Variants in ASTN2 observed in about 807,000 individuals in gnomAD.
The protein encoded by ASTN2 is astrotactin 2.
In ASTN2, 54 loss-of-function variants were observed where a neutral mutation model predicts 139.8. The observed-to-expected ratio is 0.39, with a 90% CI of 0.31 to 0.48. The LOEUF is 0.48. Ranked by LOEUF, ASTN2 falls within the 20% of genes least tolerant of loss-of-function variation. ASTN2 has a pLI of 0.95. For synonymous variants in ASTN2, 756 were observed against 719.5 expected (o/e 1.05, Z -0.81); for missense variants, 1,565 against 1,725.1 (o/e 0.91, Z 1.64).
chr9:117,183,434 A>T (rs1831123643), intron 3 of ASTN2, among the ~76,000 whole-genome samples: 1 of 152,204 alleles, frequency 6.6e-6, no homozygotes, highest in African/African-American at 2.4e-5. Flanking sequence ...TCCTTTAAGC[A>T]TTGTGACATG....
intron 6 of ASTN2, among the ~76,000 whole-genome samples, chr9:117,016,628 A>ATATATC (rs1554769591): frequency 1.2e-4 from 1 of 8,060 alleles, no homozygotes; most frequent in African/African-American, 2.7e-4. Context: ...ATCTATCTAT[A>ATATATC]TATATATATA....
At chr9:116,576,063 C>T (rs1277109679) in intron 19 of ASTN2, among the ~76,000 whole-genome samples, 6 of 152,062 alleles carry the variant, frequency 3.9e-5, no homozygotes, top group African/African-American at 1.2e-4. Context: ...TATTGAGCGC[C>T]CCACCCCTCT....
At chr9:116,486,581 A>T (rs1240510739) in intron 20 of ASTN2, among the ~76,000 whole-genome samples, 1 of 152,252 alleles carries the variant, frequency 6.6e-6, no homozygotes. Context: ...CAACTTCGTA[A>T]CAACTTCAGC....
intron 4 of ASTN2, among the ~76,000 whole-genome samples, chr9:117,103,647 A>C (rs1330024547): frequency 6.6e-6 from 1 of 152,126 alleles, no homozygotes; most frequent in African/African-American, 2.4e-5. Context: ...TCTTGCTATC[A>C]TGATGGATGG....
chr9:116,741,426 G>T (rs187438041), intron 13 of ASTN2, among the ~76,000 whole-genome samples: 2 of 152,256 alleles, frequency 1.3e-5, no homozygotes, highest in East Asian at 3.9e-4. Context: ...CTCAAAAAAG[G>T]TTGCCTTAAA....
intron 11 of ASTN2, among the ~76,000 whole-genome samples, chr9:116,852,472 TC>T (rs962359217): frequency 5.9e-5 from 9 of 152,188 alleles, no homozygotes; most frequent in African/African-American, 2.2e-4. Flanking sequence ...GGAACGTCTG[TC>T]ACTCAGTTCG....
intron 13 of ASTN2, among the ~76,000 whole-genome samples, chr9:116,738,295 G>T (rs1828998696): frequency 6.6e-6 from 1 of 151,992 alleles, no homozygotes; most frequent in African/African-American, 2.4e-5. Context: ...GAGGTCAGGA[G>T]TTCAAGACCA....
chr9:116,777,114 T>C (rs1054767468), intron 13 of ASTN2, among the ~76,000 whole-genome samples: 2 of 152,088 alleles, frequency 1.3e-5, no homozygotes, highest in South Asian at 2.1e-4. Flanking sequence ...CCAAATCTGG[T>C]TGGACAATGG....
chr9:117,246,347 A>G (rs1275115673), intron 2 of ASTN2, among the ~76,000 whole-genome samples: 2 of 152,184 alleles, frequency 1.3e-5, no homozygotes, highest in African/African-American at 4.8e-5. Flanking sequence ...TTAGGGGAGA[A>G]ACCAAGGCCT....
chr9:117,226,015 T>G (rs1435876885), intron 2 of ASTN2, among the ~76,000 whole-genome samples: 1 of 152,154 alleles, frequency 6.6e-6, no homozygotes, highest in African/African-American at 2.4e-5. Flanking sequence ...TCACAATGCA[T>G]AGTTCAGCAA....
chr9:117,269,947 A>T (rs1264078824), intron 2 of ASTN2, among the ~76,000 whole-genome samples: 1 of 152,176 alleles, frequency 6.6e-6, no homozygotes, highest in East Asian at 1.9e-4. Flanking sequence ...CTGAATCCAC[A>T]TGCCCATTGG....
intron 19 of ASTN2, among the ~76,000 whole-genome samples, chr9:116,489,769 T>G (rs1439561200): frequency 6.6e-6 from 1 of 152,236 alleles, no homozygotes; most frequent in Non-Finnish European, 1.5e-5. Flanking sequence ...ATTTGCTCCT[T>G]TAGTCCAATA....
At chr9:116,976,327 T>C (rs978643034) in intron 8 of ASTN2, 139 bp from the exon 9 acceptor site, 11 of 672,704 alleles carry the variant, frequency 1.6e-5, no homozygotes, top group African/African-American at 1.4e-4. Flanking sequence ...ACTTATATTA[T>C]AAAAGAATGT....
chr9:117,205,198 AGAGCAGT>A (rs1451930578), intron 3 of ASTN2, among the ~76,000 whole-genome samples: 1 of 152,202 alleles, frequency 6.6e-6, no homozygotes, highest in Non-Finnish European at 1.5e-5. Flanking sequence ...AAAGCATTCC[AGAGCAGT>A]GAGCATATCA....
At chr9:116,726,026 T>G in intron 15 of ASTN2, 76 bp from the exon 16 acceptor site, 1 of 1,447,970 alleles carries the variant, frequency 6.9e-7, no homozygotes, top group Admixed American at 2.0e-5. Context: ...GTGGCAGGAG[T>G]TCTTCCCAAC....
intron 7 of ASTN2, among the ~76,000 whole-genome samples, chr9:117,004,764 C>T (rs934756711): frequency 4.6e-5 from 7 of 152,080 alleles, no homozygotes; most frequent in African/African-American, 1.4e-4. Flanking sequence ...AGAAAACAGA[C>T]CAATAACAAT....
chr9:116,665,344 CT>C (rs1254365790), intron 16 of ASTN2, among the ~76,000 whole-genome samples: 1 of 152,068 alleles, frequency 6.6e-6, no homozygotes, highest in African/African-American at 2.4e-5. Context: ...GGGAACTAAG[CT>C]TTTTCAGCAT....
chr9:116,698,221 TG>T lies in ASTN2; in HGVS notation c.2806+27549del. ...AAGTTAACTCGTCTGCGGGAACTTATGGGGGAGCTGCAGCGGCGGAAGGCAG... is the reference window on the plus strand; with the variant it reads ...AAGTTAACTCGTCTGCGGGAACTTATGGGGAGCTGCAGCGGCGGAAGGCAG... On this transcript the variant is annotated intron_variant, in intron 16 of 22. Coordinates refer to ENST00000313400, the MANE Select transcript of ASTN2 (RefSeq NM_001365068.1). The surrounding 1 kb of genome is among the most constrained non-coding windows in gnomAD (Gnocchi z 4.4). 2 of 1,614,078 alleles carry T rather than the reference TG, an allele frequency of 1.2e-6. No individual in the cohort carries two copies. The highest frequency in any genetic ancestry group is 1.1e-5 in the South Asian group (1 of 91,084).
Position 117,282,916 on chromosome 9 carries a change from T to C in ASTN2, c.630+8410A>G, listed in dbSNP as rs112772835. On this transcript the variant is annotated intron_variant, in intron 2 of 22. Transcript: ENST00000313400. Reference sequence around the variant, plus strand: ...GCAAGAGCTGACTAGCCTGGAAGAGTTGGATATTCTATGAGGTCTCAGGTG... The same window carrying C: ...GCAAGAGCTGACTAGCCTGGAAGAGCTGGATATTCTATGAGGTCTCAGGTG... Among the ~76,000 whole-genome samples, 89 of 134,526 alleles carry C rather than the reference T, an allele frequency of 6.6e-4. 8 individuals are homozygous for C. The highest frequency in any genetic ancestry group is 7.0e-3 in the Middle Eastern group (2 of 284). 88.3% of individuals were successfully genotyped at this position (134,526 alleles called of 152,430 possible).
Sources: gnomAD v4.1 joint callset for allele counts (sites outside exome capture counted in the v4.1 genomes callset) on GRCh38, gnomAD v4.1.1 for gene constraint, Gnocchi (gnomAD v3.1) non-coding constraint, MANE v1.5 for transcripts, NCBI Gene and HGNC (gene_info 2026-07-23, HGNC 2026-07-21) for gene names.